Variants in TRPM2 observed in about 807,000 individuals in gnomAD.
The protein encoded by TRPM2 is estrogen-responsive element-associated gene 1 protein.
A neutral mutation model predicts 174.0 loss-of-function variants in TRPM2; 161 were observed. That is an observed-to-expected ratio of 0.93 (90% CI 0.81 to 1.05). The LOEUF (loss-of-function observed/expected upper bound fraction) is 1.05, where lower values mean the gene tolerates loss of function less well. TRPM2 is among the 50% of genes least tolerant of loss of function. The pLI, the probability that TRPM2 is intolerant of heterozygous loss-of-function variation, is 0.00. For missense variants in TRPM2, 2,057 were observed against 2,038.0 expected (o/e 1.01, Z -0.18); for synonymous variants, 954 against 861.3 (o/e 1.11, Z -1.88).
At position 44,439,191 on chromosome 21, in the gene TRPM2, G is replaced by A. The variant is rs1233549994; in HGVS notation, c.4269+23G>A. On this transcript the variant is annotated intron_variant, in intron 30 of 31. Coordinates refer to ENST00000397928, the MANE Select transcript of TRPM2 (RefSeq NM_003307.4). This position sits in a 1 kb window ranked among gnomAD's most constrained non-coding sequence, Gnocchi z 5.1. ...GAGGTATTCCTGGCCTGTTTGCTCT[G>A]TTCCACCTGTGTGTCCCCAGGGCTG... is the stretch of plus-strand genomic sequence containing the variant. 1 of 1,603,564 alleles carries A rather than the reference G, an allele frequency of 6.2e-7. No homozygotes were observed. The highest frequency in any genetic ancestry group is 8.5e-7 in the Non-Finnish European group (1 of 1,171,272).
chr21:44,440,498 C>G (rs1355406898), intron 30 of TRPM2, among the ~76,000 whole-genome samples: 1 of 152,166 alleles, frequency 6.6e-6, no homozygotes, highest in Non-Finnish European at 1.5e-5. Flanking sequence ...TATGAGTGGA[C>G]TCCTACAACA....
rs751624121 is a variant in TRPM2 at position 44,400,343 on chromosome 21, C to T, written c.2293C>T (p.Leu765=). Residue 765 remains leucine, a synonymous_variant, in exon 15 of 32, where the codon CTG becomes TTG. Coordinates refer to ENST00000397928, the MANE Select transcript of TRPM2 (RefSeq NM_003307.4). ...RVTLCMLAFP[L]LLTGLISFRE... ...GACCCTGTGCATGCTGGCCTTCCCGCTGCTCCTCACCGGCCTCATCTCCTT... is the reference window on the plus strand; with the variant it reads ...GACCCTGTGCATGCTGGCCTTCCCGTTGCTCCTCACCGGCCTCATCTCCTT... 2.5e-6 allele frequency: 4 copies of T among 1,612,392 alleles called. No individual in the cohort carries two copies. The highest frequency in any genetic ancestry group is 3.4e-6 in the Non-Finnish European group (4 of 1,179,888).
intron 19 of TRPM2, among the ~76,000 whole-genome samples, chr21:44,407,045 C>A (rs1387716596): frequency 1.3e-5 from 2 of 149,310 alleles, no homozygotes; most frequent in East Asian, 2.0e-4. Context: ...GCTGACAGCC[C>A]CCTGAAATGG....
intron 22 of TRPM2, among the ~76,000 whole-genome samples, chr21:44,419,854 G>GTGATGA (rs2050481430): frequency 6.7e-6 from 1 of 149,534 alleles, no homozygotes; most frequent in African/African-American, 2.5e-5. Flanking sequence ...GCTTCTGATG[G>GTGATGA]TGGTAATGGT....
chr21:44,421,275 G>A (rs1468946821), intron 22 of TRPM2, among the ~76,000 whole-genome samples: 4 of 151,732 alleles, frequency 2.6e-5, no homozygotes, highest in East Asian at 3.9e-4. Context: ...CTGAGATCGC[G>A]CTGCTGCACT....
Position 44,391,461 on chromosome 21 carries a change from C to T in TRPM2, c.1630C>T (p.Pro544Ser), listed in dbSNP as rs1401863147. 2 of 1,612,698 alleles carry T rather than the reference C, an allele frequency of 1.2e-6. No homozygotes were observed. Among genetic ancestry groups the T allele is most frequent in the Admixed American group, 1.7e-5 (1 of 60,020 alleles). The change falls in exon 11 of 32, where the codon CCC becomes TCC. Residue 544 changes from proline (P) to serine (S), a missense_variant. Pro to Ser is a moderately conservative substitution (Grantham distance 74, BLOSUM62 -1). Transcript: ENST00000397928. This position sits in a 1 kb window ranked among gnomAD's most constrained non-coding sequence, Gnocchi z 5.0. ...GCTGCAGAAGGTGCTGGTGGAGGAT[C>T]CCGAGCGCCCGGCTTGCGCGCCCGC... Reference protein sequence around the residue: ...SKLQKVLVEDPERPACAPAAP... With the variant: ...SKLQKVLVEDSERPACAPAAP...
intron 27 of TRPM2, 89 bp from the exon 28 acceptor site, chr21:44,435,018 TCCCGCTGTGCGCCGGCTCCTGACG>T (rs2051181850): frequency 2.0e-6 from 2 of 1,006,996 alleles, no homozygotes; most frequent in Non-Finnish European, 3.1e-6. Context: ...CTGCATGCTG[TCCCGCTGTGCGCCGGCTCCTGACG>T]CCCGCTGTCC....
rs147971699 is a variant in TRPM2 at position 44,353,850 on chromosome 21, C to A, written c.150C>A (p.Phe50Leu). 59 of 1,598,412 alleles carry A rather than the reference C, an allele frequency of 3.7e-5. No individual in the cohort carries two copies. Among genetic ancestry groups the A allele is most frequent in the Non-Finnish European group, 4.9e-5 (58 of 1,173,766 alleles). The part of the protein sequence containing the change: ...LFKSWRLQCP[F>L]GNNDKQESLS... Reference sequence around the variant, plus strand: ...AGAGCTGGAGGCTACAGTGCCCCTTCGGCAACAATGACAAGGTAGGCTTTC... The same window carrying A: ...AGAGCTGGAGGCTACAGTGCCCCTTAGGCAACAATGACAAGGTAGGCTTTC... The change falls in exon 1 of 32, where the codon TTC becomes TTA. Residue 50 changes from phenylalanine to leucine, a missense_variant. Transcript: ENST00000397928.
intron 12 of TRPM2, among the ~76,000 whole-genome samples, chr21:44,395,956 G>C (rs1212004615): frequency 4.5e-5 from 2 of 44,670 alleles, no homozygotes; most frequent in Non-Finnish European, 8.2e-5. Context: ...GTGTGGAGGG[G>C]TGTGGAGGGC....
At position 44,425,842 on chromosome 21, in the gene TRPM2, A is replaced by G. The variant is rs1216765701; in HGVS notation, c.3795+15A>G. 6.5e-7 allele frequency: 1 copy of G among 1,545,878 alleles called. No homozygotes were observed. The highest frequency in any genetic ancestry group is 8.8e-7 in the Non-Finnish European group (1 of 1,136,830). ...TGCCCTGGGAGGTGAGCGCCTGCCC[A>G]AGCCCAACCAGGCGGAGTGGCCGGG... On this transcript the variant is annotated intron_variant, in intron 25 of 31. Transcript: ENST00000397928.
intron 27 of TRPM2, among the ~76,000 whole-genome samples, chr21:44,434,818 C>A (rs1294919360): frequency 6.6e-6 from 1 of 152,122 alleles, no homozygotes; most frequent in Admixed American, 6.5e-5. Context: ...GAGCAGTCGG[C>A]CAGTTCCATG....
chr21:44,377,615 C>A, intron 6 of TRPM2, 97 bp from the exon 7 acceptor site: 1 of 1,519,518 alleles, frequency 6.6e-7, no homozygotes, highest in Non-Finnish European at 9.0e-7. Flanking sequence ...CCACCTCTGT[C>A]CCCTCACTCG....
At chr21:44,393,513 T>C (rs28602708) in intron 11 of TRPM2, among the ~76,000 whole-genome samples, 232 of 152,298 alleles carry the variant, frequency 1.5e-3, no homozygotes, top group African/African-American at 5.4e-3. Flanking sequence ...GCTATATTTG[T>C]CAGGCTCTGA....
At chr21:44,409,497 G>C (rs1373238768) in intron 19 of TRPM2, among the ~76,000 whole-genome samples, 1 of 152,056 alleles carries the variant, frequency 6.6e-6, no homozygotes, top group African/African-American at 2.4e-5. Context: ...AGTAAGTTTT[G>C]ACCGCACTGT....
At chr21:44,413,308 G>A (rs2050167943) in intron 19 of TRPM2, among the ~76,000 whole-genome samples, 1 of 147,950 alleles carries the variant, frequency 6.8e-6, no homozygotes, top group Admixed American at 6.8e-5. Flanking sequence ...AGGCAACCTC[G>A]GCTCACTGCA....
intron 2 of TRPM2, among the ~76,000 whole-genome samples, chr21:44,363,489 CA>C (rs151176888): frequency 0.18 from 27,168 of 152,072 alleles, 2,526 homozygotes; most frequent in Non-Finnish European, 0.2. Context: ...TTTTTTATTT[CA>C]GTTACTGCAT....
intron 9 of TRPM2, among the ~76,000 whole-genome samples, chr21:44,386,851 A>G (rs748373038): frequency 2.6e-4 from 39 of 152,152 alleles, no homozygotes; most frequent in Non-Finnish European, 5.4e-4. Flanking sequence ...TTCTAAACTC[A>G]CTACAAAGCT....
At chr21:44,411,071 G>T (rs190222651) in intron 19 of TRPM2, among the ~76,000 whole-genome samples, 1 of 151,974 alleles carries the variant, frequency 6.6e-6, no homozygotes, top group East Asian at 1.9e-4. Context: ...TGCTGTCTTG[G>T]TGAGCGTAGC....
chr21:44,355,077 C>T (rs2048016974), intron 2 of TRPM2, among the ~76,000 whole-genome samples: 1 of 152,088 alleles, frequency 6.6e-6, no homozygotes, highest in South Asian at 2.1e-4. Context: ...GCCCCCACCC[C>T]AAGAGAGAGA....
Sources: gnomAD v4.1 joint callset for allele counts (sites outside exome capture counted in the v4.1 genomes callset) on GRCh38, gnomAD v4.1.1 for gene constraint, Gnocchi (gnomAD v3.1) non-coding constraint, MANE v1.5 for transcripts, NCBI Gene and HGNC (gene_info 2026-07-23, HGNC 2026-07-21) for gene names.